Variants in KIF13A observed in about 807,000 individuals in gnomAD.
KIF13A encodes kinesin family member 13A.
KIF13A carries 79 observed loss-of-function variants against 212.2 expected under a neutral mutation model. The ratio of observed to expected loss-of-function variants is 0.37; its 90% CI spans 0.31 to 0.45. KIF13A has a LOEUF of 0.45. KIF13A is among the 20% of genes least tolerant of loss of function. The pLI is 1.00. For missense variants in KIF13A, 1,901 were observed against 2,209.0 expected, an observed-to-expected ratio of 0.86 and a Z score of 2.79; for synonymous variants, 789 against 808.6, an observed-to-expected ratio of 0.98 and a Z score of 0.41.
intron 2 of KIF13A, among the ~76,000 whole-genome samples, chr6:17,976,264 T>C (rs1319261100): frequency 6.6e-6 from 1 of 152,156 alleles, no homozygotes; most frequent in Non-Finnish European, 1.5e-5. Flanking sequence ...AGGCTCGGGC[T>C]GCACAGGAGC....
intron 2 of KIF13A, among the ~76,000 whole-genome samples, chr6:17,979,149 C>G (rs189721143): frequency 5.8e-4 from 89 of 152,266 alleles, no homozygotes; most frequent in African/African-American, 1.9e-3. Context: ...AAAAATTAGC[C>G]AGGCGTGGTG....
chr6:17,914,519 G>A lies in KIF13A; in HGVS notation c.147-16339C>T, dbSNP rs1017856715. Among the ~76,000 whole-genome samples the A allele has an allele frequency of 1.3e-5, 2 of 152,186 alleles. No homozygotes were observed. Among genetic ancestry groups the A allele is most frequent in the Non-Finnish European group, 2.9e-5 (2 of 68,036 alleles). ...ATTAAAATCATACACATGCAAATGGGAAGTTTTATAAGATACATGACATTA... is the reference window on the plus strand; with the variant it reads ...ATTAAAATCATACACATGCAAATGGAAAGTTTTATAAGATACATGACATTA... On this transcript the variant is annotated intron_variant, in intron 2 of 38. Transcript: ENST00000259711. The surrounding 1 kb of genome is among the most constrained non-coding windows in gnomAD (Gnocchi z 5.9).
intron 2 of KIF13A, among the ~76,000 whole-genome samples, chr6:17,970,345 T>A (rs890754401): frequency 2.8e-5 from 4 of 144,354 alleles, no homozygotes; most frequent in African/African-American, 1.1e-4. Context: ...CTCATGCCTG[T>A]AATCCCAAAA....
chr6:17,790,663 A>C (rs754493129), intron 25 of KIF13A, among the ~76,000 whole-genome samples: 1 of 152,208 alleles, frequency 6.6e-6, no homozygotes, highest in Non-Finnish European at 1.5e-5. Flanking sequence ...AGGACCACAC[A>C]GATAATGGCA....
chr6:17,764,576 T>G lies in KIF13A; in HGVS notation c.4952A>C (p.Glu1651Ala), dbSNP rs1208245848. The G allele has an allele frequency of 6.2e-7, 1 of 1,613,834 alleles. No individual in the cohort carries two copies. Among genetic ancestry groups the G allele is most frequent in the Non-Finnish European group, 8.5e-7 (1 of 1,179,896 alleles). The change falls in exon 39 of 39, where the codon GAG becomes GCG. Residue 1651 changes from glutamate (E) to alanine (A), a missense_variant. By Grantham distance (107) the Glu-to-Ala change is moderately radical (BLOSUM62 -1). Transcript: ENST00000259711. The surrounding 1 kb of genome is among the most constrained non-coding windows in gnomAD (Gnocchi z 5.1). ...VHDFRPSSNK[E>A]LTEVEKGLVK... ...CAAGCCTTTTTCGACTTCTGTCAAC[T>G]CTTTGTTTGAGGACGGCCTGAAATC...
At chr6:17,791,565 C>T (rs79720850) in intron 25 of KIF13A, among the ~76,000 whole-genome samples, 3,865 of 152,124 alleles carry the variant, frequency 0.025, 74 homozygotes, top group Non-Finnish European at 0.04. Flanking sequence ...TACAATTTGA[C>T]AAAAATCAGT....
intron 3 of KIF13A, among the ~76,000 whole-genome samples, chr6:17,875,722 T>C (rs768881931): frequency 2.0e-5 from 3 of 152,128 alleles, no homozygotes; most frequent in Non-Finnish European, 4.4e-5. Flanking sequence ...CCCAAAGTGC[T>C]GAGATTACAG....
rs185701536 is a variant in KIF13A at position 17,954,218 on chromosome 6, G to A, written c.146+32836C>T. Among the ~76,000 whole-genome samples, 451 of 151,294 alleles carry A rather than the reference G, an allele frequency of 3.0e-3. 1 individual carries two copies. In the Middle Eastern group the frequency reaches 0.034, roughly 11 times the overall value. On this transcript the variant is annotated intron_variant, in intron 2 of 38. Coordinates refer to ENST00000259711, the MANE Select transcript of KIF13A (RefSeq NM_022113.6). Reference sequence around the variant, plus strand: ...CCGAAGGCTGAGGCAGGAGAATGGCGTGAACCTGGGAGGCGGGCTTGCTTG... The same window carrying A: ...CCGAAGGCTGAGGCAGGAGAATGGCATGAACCTGGGAGGCGGGCTTGCTTG...
chr6:17,904,794 G>A (rs138560981), intron 2 of KIF13A, among the ~76,000 whole-genome samples: 5 of 152,352 alleles, frequency 3.3e-5, no homozygotes, highest in East Asian at 1.9e-4. Flanking sequence ...GCCCTACGAC[G>A]TGTGTGATCA....
At chr6:17,842,924 G>C (rs1766666587) in intron 9 of KIF13A, among the ~76,000 whole-genome samples, 1 of 151,660 alleles carries the variant, frequency 6.6e-6, no homozygotes, top group South Asian at 2.1e-4. Context: ...CTGACCATTA[G>C]ATTTCTTTCC....
intron 2 of KIF13A, among the ~76,000 whole-genome samples, chr6:17,975,129 A>G (rs1352125869): frequency 1.3e-5 from 2 of 152,182 alleles, no homozygotes; most frequent in African/African-American, 2.4e-5. Context: ...AGATCATTTG[A>G]GGTCAGCAGT....
At position 17,783,097 on chromosome 6, in the gene KIF13A, C is replaced by T. The variant is rs1355728910; in HGVS notation, c.3544+549G>A. On this transcript the variant is annotated intron_variant, in intron 29 of 38. Transcript: ENST00000259711. This position sits in a 1 kb window ranked among gnomAD's most constrained non-coding sequence, Gnocchi z 4.3. ...GCCCTGCCAAAGGATCTACCAGGATCCTGCCCACTGCAAACTCAGCAACTC... is the reference window on the plus strand; with the variant it reads ...GCCCTGCCAAAGGATCTACCAGGATTCTGCCCACTGCAAACTCAGCAACTC... Among the ~76,000 whole-genome samples, 3 of 152,340 alleles carry T rather than the reference C, an allele frequency of 2.0e-5. No homozygotes were observed. In the East Asian group the frequency reaches 5.8e-4, roughly 29 times the overall value.
At chr6:17,817,895 T>C (rs1764090736) in intron 16 of KIF13A, among the ~76,000 whole-genome samples, 1 of 152,188 alleles carries the variant, frequency 6.6e-6, no homozygotes, top group South Asian at 2.1e-4. Context: ...ACCATGCACA[T>C]GGGTGAAAAG....
At chr6:17,945,900 G>C (rs1777346006) in intron 2 of KIF13A, among the ~76,000 whole-genome samples, 1 of 152,122 alleles carries the variant, frequency 6.6e-6, no homozygotes, top group African/African-American at 2.4e-5. Context: ...AACCTAGTCT[G>C]ATAGAACCAG....
At chr6:17,845,806 G>A (rs1000936264) in intron 9 of KIF13A, among the ~76,000 whole-genome samples, 21 of 152,140 alleles carry the variant, frequency 1.4e-4, no homozygotes, top group African/African-American at 4.1e-4. Flanking sequence ...AGTAGGCCAC[G>A]CAGTGTCTTA....
At chr6:17,879,522 C>T (rs1057108258) in intron 3 of KIF13A, among the ~76,000 whole-genome samples, 11 of 152,120 alleles carry the variant, frequency 7.2e-5, no homozygotes, top group South Asian at 6.2e-4. Flanking sequence ...AATAAGGATT[C>T]GGTCACTAGA....
At chr6:17,986,128 G>A (rs956125227) in intron 2 of KIF13A, among the ~76,000 whole-genome samples, 1 of 152,150 alleles carries the variant, frequency 6.6e-6, no homozygotes, top group Admixed American at 6.5e-5. Context: ...GTATTCCATC[G>A]ATCAACAGGT....
At chr6:17,793,925 C>A (rs867876211) in intron 25 of KIF13A, among the ~76,000 whole-genome samples, 31 of 150,842 alleles carry the variant, frequency 2.1e-4, no homozygotes, top group African/African-American at 5.1e-4. Flanking sequence ...AAAAAAAAAA[C>A]ACACACAAAA....
chr6:17,760,915 C>G, downstream of KIF13A: 1 of 1,609,604 alleles, frequency 6.2e-7, no homozygotes. Context: ...GCTTCTCATC[C>G]CCACCTCCCC....
Sources: gnomAD v4.1 joint callset for allele counts (sites outside exome capture counted in the v4.1 genomes callset) on GRCh38, gnomAD v4.1.1 for gene constraint, Gnocchi (gnomAD v3.1) non-coding constraint, MANE v1.5 for transcripts, NCBI Gene and HGNC (gene_info 2026-07-23, HGNC 2026-07-21) for gene names.